VPS9D1: variants seen among roughly 807,000 people sequenced by gnomAD.
VPS9D1 encodes the protein VPS9 domain containing 1.
VPS9D1 carries 78 observed loss-of-function variants against 75.8 expected under a neutral mutation model. The observed-to-expected ratio is 1.03, with a 90% CI of 0.86 to 1.24. The LOEUF is 1.24. VPS9D1 is among the 50% of genes most tolerant of loss of function. The probability of loss-of-function intolerance (pLI) is 0.00; values close to 1 mark genes in which losing one functional copy is unlikely to be tolerated. For synonymous variants in VPS9D1, 481 were observed against 385.6 expected, an observed-to-expected ratio of 1.25 and a Z score of -2.90; for missense variants, 1,057 against 847.7, an observed-to-expected ratio of 1.25 and a Z score of -3.07.
At position 89,710,601 on chromosome 16, in the gene VPS9D1, TCTC is replaced by T. The variant is rs747007260; in HGVS notation, c.1240_1242del (p.Glu414del). ...CTGGCCTCACCTACGGCATTGTGGA[TCTC>T]CTCCACCGCGGTCTTCAGCTGCTGC... On this transcript the variant is annotated inframe_deletion, in exon 10 of 15. Transcript: ENST00000389386. 11 of 1,599,004 alleles carry T rather than the reference TCTC, an allele frequency of 6.9e-6. No individual in the cohort carries two copies. The highest frequency in any genetic ancestry group is 1.3e-5 in the African/African-American group (1 of 74,572).
At chr16:89,720,445 G>A (rs2061225391) in intron 1 of VPS9D1, 1 of 1,063,148 alleles carries the variant, frequency 9.4e-7, no homozygotes, top group Non-Finnish European at 1.1e-6. Context: ...GCACGGACCT[G>A]CCCGTCACTC....
At position 89,714,767 on chromosome 16, in the gene VPS9D1, G is replaced by A. The variant is rs544867072; in HGVS notation, c.431+1695C>T. On this transcript the variant is annotated intron_variant, in intron 4 of 14. Coordinates refer to ENST00000389386, the MANE Select transcript of VPS9D1 (RefSeq NM_004913.3). ...TTCTTTTTTTTTGAGCCGGAGTCTC[G>A]CTCTGTTGCTAGGCTGGAGTGCAGT... Among the ~76,000 whole-genome samples the A allele has an allele frequency of 2.5e-3, 378 of 151,500 alleles. 1 individual carries two copies. Among genetic ancestry groups the A allele is most frequent in the African/African-American group, 8.5e-3 (349 of 41,242 alleles).
chr16:89,716,114 C>G (rs982520563), intron 4 of VPS9D1, among the ~76,000 whole-genome samples: 1 of 152,046 alleles, frequency 6.6e-6, no homozygotes, highest in Admixed American at 6.5e-5. Context: ...ACGCTGTAAT[C>G]CCAGCACTGT....
At chr16:89,716,957 A>G in intron 2 of VPS9D1, 135 bp from the exon 3 acceptor site, 1 of 598,068 alleles carries the variant, frequency 1.7e-6, no homozygotes, top group Non-Finnish European at 2.4e-6. Context: ...GGGCAAGCCC[A>G]CTGCCCCCCC....
Position 89,712,608 on chromosome 16 carries a change from G to A in VPS9D1, c.540C>T (p.Ser180=). ...LDPSQAMQKT[S]LTLSLQRQMM... is the part of the protein sequence containing the mutation. The stretch of plus-strand genomic sequence containing the variant: ...GCCCTCCCTAGCCCCCACTCACCAG[G>A]GATGTCTTCTGCATGGCCTGGCTGG... Residue 180 remains serine, a synonymous_variant, in exon 5 of 15, where the codon TCC becomes TCT. Transcript: ENST00000389386. 1 of 1,609,596 alleles carries A rather than the reference G, an allele frequency of 6.2e-7. No individual in the cohort carries two copies. The highest frequency in any genetic ancestry group is 8.5e-7 in the Non-Finnish European group (1 of 1,178,238).
At chr16:89,720,631 G>A in intron 1 of VPS9D1, 132 bp downstream of exon 1, 1 of 1,229,040 alleles carries the variant, frequency 8.1e-7, no homozygotes, top group South Asian at 3.0e-5. Context: ...CCCGGGAACC[G>A]CGGCCCGGGA....
chr16:89,707,689 G>A lies in VPS9D1; in HGVS notation c.*172C>T. The A allele has an allele frequency of 1.6e-6, 1 of 608,414 alleles. No homozygotes were observed. Among genetic ancestry groups the A allele is most frequent in the Non-Finnish European group, 2.9e-6 (1 of 343,892 alleles). The allele number at this position is 608,414 out of a possible 1,614,324, so 37.7% of individuals were successfully genotyped here. A position where few individuals can be genotyped will look rare whatever the true frequency, so the allele number is the denominator to read the frequency against. On this transcript the variant is annotated 3_prime_UTR_variant, in exon 15 of 15. Transcript: ENST00000389386. ...CCCCAAGCTCCAGGGTCAGATGTGA[G>A]GTGAGGAAGGTGAAGAGCTGGAGAG...
Position 89,720,583 on chromosome 16 carries a change from G to C in VPS9D1, c.99+180C>G. ...GTCCGCAGGATCTGAGCTGTCCAAG[G>C]TCACTGCACGCCCGGCTGCGCCCCG... On this transcript the variant is annotated intron_variant, in intron 1 of 14. Coordinates refer to ENST00000389386, the MANE Select transcript of VPS9D1 (RefSeq NM_004913.3). 3.3e-6 allele frequency: 4 copies of C among 1,219,598 alleles called. No homozygotes were observed. In the East Asian group the frequency reaches 1.1e-4, roughly 33 times the overall value. 75.5% of individuals were successfully genotyped at this position (1,219,598 alleles called of 1,614,324 possible).
intron 9 of VPS9D1, 101 bp from the exon 10 acceptor site, chr16:89,711,111 C>T: frequency 3.1e-6 from 4 of 1,291,652 alleles, no homozygotes; most frequent in Non-Finnish European, 4.1e-6. Flanking sequence ...ACTTGCATTA[C>T]CTCCTGACAG....
At chr16:89,710,173 G>A (rs1163163058) in intron 10 of VPS9D1, among the ~76,000 whole-genome samples, 3 of 152,304 alleles carry the variant, frequency 2.0e-5, no homozygotes, top group Non-Finnish European at 2.9e-5. Context: ...AAAACTGCAG[G>A]AACCAGGGAA....
At chr16:89,715,652 G>A (rs577081524) in intron 4 of VPS9D1, among the ~76,000 whole-genome samples, 17 of 151,682 alleles carry the variant, frequency 1.1e-4, no homozygotes, top group Non-Finnish European at 2.2e-4. Context: ...CTCCCTAGTA[G>A]TTGGGACTAC....
chr16:89,716,578 G>A lies in VPS9D1; in HGVS notation c.315C>T (p.Pro105=), dbSNP rs751185377. The A allele has an allele frequency of 1.9e-6, 3 of 1,613,876 alleles. No individual in the cohort carries two copies. Among genetic ancestry groups the A allele is most frequent in the Non-Finnish European group, 2.5e-6 (3 of 1,179,972 alleles). The change falls in exon 4 of 15, where the codon CCC becomes CCT. Residue 105 remains proline, a synonymous_variant. Transcript: ENST00000389386. ...CACGGCGGTGTCGGCCGGCAGGCTG[G>A]GGAATGGGAGCAGCTGCAGGCATGG... ...KPTMPAAAPI[P]QPAGRHRRVY... is the part of the protein sequence containing the mutation.
rs575530367 is a variant in VPS9D1, at chr16:89,717,823, G to A, written c.176-1001C>T. ...CCCTAGGGAGCTGGGGCAACTGTTA[G>A]CTCCCCCTGACCTGTGTGATCCTAC... is the stretch of plus-strand genomic sequence containing the variant. On this transcript the variant is annotated intron_variant, in intron 2 of 14. Coordinates refer to ENST00000389386, the MANE Select transcript of VPS9D1 (RefSeq NM_004913.3). 3.9e-5 allele frequency: 18 copies of A among 456,694 alleles called. No individual in the cohort carries two copies. In the East Asian group the frequency reaches 1.3e-3, roughly 32 times the overall value. The allele number at this position is 456,694 out of a possible 1,614,324, so 28.3% of individuals were successfully genotyped here. A position where few individuals can be genotyped will look rare whatever the true frequency, so the allele number is the denominator to read the frequency against.
intron 9 of VPS9D1, 97 bp downstream of exon 9, chr16:89,711,230 C>T: frequency 1.5e-6 from 2 of 1,367,204 alleles, no homozygotes. Context: ...GGCACAGGCT[C>T]CCTGTGTCAG....
intron 4 of VPS9D1, among the ~76,000 whole-genome samples, chr16:89,714,591 C>G (rs1385670313): frequency 6.6e-6 from 1 of 152,218 alleles, no homozygotes; most frequent in Non-Finnish European, 1.5e-5. Context: ...CCAGGCCCCG[C>G]CAGAGCAGGG....
intron 6 of VPS9D1, 96 bp downstream of exon 6, chr16:89,712,364 G>C (rs915115710): frequency 1.3e-6 from 2 of 1,557,822 alleles, no homozygotes; most frequent in African/African-American, 2.7e-5. Context: ...CCCGACCCCG[G>C]AACCTCCGCT....
rs1031101724 is a variant in VPS9D1 at position 89,712,389 on chromosome 16, C to T, written c.606+71G>A. On this transcript the variant is annotated intron_variant, in intron 6 of 14. Transcript: ENST00000389386. Reference sequence around the variant, plus strand: ...GAACCTCCGCTCCCCTCGCTGCCCCCTTCTCTGCCCTTGGCTCAAGGCCAC... The same window carrying T: ...GAACCTCCGCTCCCCTCGCTGCCCCTTTCTCTGCCCTTGGCTCAAGGCCAC... 5 of 1,599,080 alleles carry T rather than the reference C, an allele frequency of 3.1e-6. No individual in the cohort carries two copies. In the Admixed American group the frequency reaches 6.8e-5, roughly 22 times the overall value.
At chr16:89,716,994 C>G in intron 2 of VPS9D1, 172 bp from the exon 3 acceptor site, 1 of 504,314 alleles carries the variant, frequency 2.0e-6, no homozygotes, top group Middle Eastern at 5.1e-4. Context: ...TGGGCAAGCC[C>G]ACTGCCCCCC....
intron 4 of VPS9D1, among the ~76,000 whole-genome samples, chr16:89,713,470 G>A (rs1412739006): frequency 6.6e-6 from 1 of 151,556 alleles, no homozygotes; most frequent in African/African-American, 2.4e-5. Flanking sequence ...TAACCAGGAT[G>A]GTCTTGATCT....
Sources: allele counts gnomAD v4.1 joint callset (sites outside exome capture counted in the v4.1 genomes callset), GRCh38; gene constraint gnomAD v4.1.1; transcripts MANE v1.5; gene names NCBI Gene and HGNC (gene_info 2026-07-23, HGNC 2026-07-21).